CENPW: variants seen among roughly 807,000 people sequenced by gnomAD.
CENPW encodes cancer-up-regulated gene 2 protein.
CENPW carries 3 observed loss-of-function variants against 11.1 expected under a neutral mutation model. The ratio of observed to expected loss-of-function variants is 0.27; its 90% CI spans 0.12 to 0.70. CENPW has a LOEUF of 0.70. Ranked by LOEUF, CENPW falls within the 30% of genes least tolerant of loss-of-function variation. The pLI is 0.77. For synonymous variants in CENPW, 38 were observed against 42.0 expected (o/e 0.91, Z 0.37); for missense variants, 100 against 105.6 (o/e 0.95, Z 0.23).
At chr6:126,397,408 A>C in the CENPW span, among the ~76,000 whole-genome samples, 1 of 152,004 alleles carries the variant, frequency 6.6e-6, no homozygotes, top group Admixed American at 6.6e-5. Context: ...TTCTCTTTCC[A>C]CACCATGTGG....
the CENPW span, among the ~76,000 whole-genome samples, chr6:126,393,912 T>C: frequency 2.0e-5 from 3 of 151,926 alleles, no homozygotes; most frequent in East Asian, 5.8e-4. Context: ...GTACTTTTCA[T>C]CTTGAAATCC....
chr6:126,408,346 G>A, the CENPW span, among the ~76,000 whole-genome samples: 9 of 152,166 alleles, frequency 5.9e-5, no homozygotes, highest in Non-Finnish European at 1.2e-4. Flanking sequence ...GAGGAGCAAA[G>A]GCATGTCTTA....
At chr6:126,475,324 A>T in the CENPW span, among the ~76,000 whole-genome samples, 1 of 152,136 alleles carries the variant, frequency 6.6e-6, no homozygotes, top group South Asian at 2.1e-4. Context: ...GTTTGAGGGG[A>T]TGAATACCCC....
the CENPW span, among the ~76,000 whole-genome samples, chr6:126,451,032 G>C: frequency 6.6e-6 from 1 of 150,944 alleles, no homozygotes; most frequent in African/African-American, 2.4e-5. Context: ...TTATACTTAT[G>C]AGTATAAATG....
the CENPW span, among the ~76,000 whole-genome samples, chr6:126,430,002 G>C: frequency 6.6e-6 from 1 of 152,172 alleles, no homozygotes; most frequent in East Asian, 1.9e-4. Flanking sequence ...CTGAGAGAAA[G>C]CATGTCCTCA....
chr6:126,381,439 C>T, the CENPW span, among the ~76,000 whole-genome samples: 1 of 152,160 alleles, frequency 6.6e-6, no homozygotes, highest in Non-Finnish European at 1.5e-5. Context: ...CTCTGTTACT[C>T]ATGATCCAGT....
the CENPW span, among the ~76,000 whole-genome samples, chr6:126,428,593 A>G: frequency 1.3e-5 from 2 of 152,178 alleles, no homozygotes; most frequent in Non-Finnish European, 2.9e-5. Context: ...CGCTTTGCTC[A>G]TTAGAGTGAT....
At chr6:126,386,246 T>C in the CENPW span, among the ~76,000 whole-genome samples, 1 of 152,062 alleles carries the variant, frequency 6.6e-6, no homozygotes, top group African/African-American at 2.4e-5. Flanking sequence ...GCTACTTTCT[T>C]TCCCACTTGT....
the CENPW span, among the ~76,000 whole-genome samples, chr6:126,410,156 C>G: frequency 6.6e-6 from 1 of 152,142 alleles, no homozygotes; most frequent in African/African-American, 2.4e-5. Context: ...TACAGGGCTA[C>G]TTTGAACACT....
chr6:126,480,963 C>CA, the CENPW span, among the ~76,000 whole-genome samples: 1 of 151,756 alleles, frequency 6.6e-6, no homozygotes, highest in Non-Finnish European at 1.5e-5. Flanking sequence ...AATAAAATGC[C>CA]AAAAATCTCA....
chr6:126,349,214 A>C (rs1475660862), downstream of CENPW, among the ~76,000 whole-genome samples: 1 of 152,070 alleles, frequency 6.6e-6, no homozygotes. Context: ...TGTAGTTGCA[A>C]AGATAGTACA....
At chr6:126,470,622 G>A in the CENPW span, among the ~76,000 whole-genome samples, 1 of 152,202 alleles carries the variant, frequency 6.6e-6, no homozygotes, top group Admixed American at 6.5e-5. Context: ...CTGACAACTT[G>A]CCCTGTGCAT....
the CENPW span, among the ~76,000 whole-genome samples, chr6:126,354,018 T>A: frequency 6.6e-6 from 1 of 152,096 alleles, no homozygotes; most frequent in African/African-American, 2.4e-5. Context: ...ATTAATTATA[T>A]TTATTTTCAC....
the CENPW span, among the ~76,000 whole-genome samples, chr6:126,410,789 T>A: frequency 6.6e-6 from 1 of 152,044 alleles, no homozygotes; most frequent in South Asian, 2.1e-4. Flanking sequence ...CACTTGTATT[T>A]TTCATTTCAT....
At chr6:126,419,199 G>C in the CENPW span, among the ~76,000 whole-genome samples, 2 of 152,114 alleles carry the variant, frequency 1.3e-5, no homozygotes, top group African/African-American at 4.8e-5. Context: ...GCTGACTCAG[G>C]ATGAGAAGGA....
chr6:126,373,159 A>C, the CENPW span, among the ~76,000 whole-genome samples: 1 of 152,242 alleles, frequency 6.6e-6, no homozygotes, highest in Non-Finnish European at 1.5e-5. Context: ...AACAAAATTT[A>C]CATTATTCTA....
chr6:126,349,837 G>T (rs1489806923), downstream of CENPW, among the ~76,000 whole-genome samples: 1 of 151,974 alleles, frequency 6.6e-6, no homozygotes, highest in African/African-American at 2.4e-5. Context: ...TTCATGGTAA[G>T]TATAGGCCTA....
chr6:126,370,590 T>G, the CENPW span, among the ~76,000 whole-genome samples: 11 of 152,164 alleles, frequency 7.2e-5, no homozygotes, highest in African/African-American at 2.7e-4. Context: ...GTAGCAGAGC[T>G]ACTGATTTGT....
the CENPW span, among the ~76,000 whole-genome samples, chr6:126,464,332 G>A: frequency 1.3e-5 from 2 of 152,222 alleles, no homozygotes; most frequent in Non-Finnish European, 2.9e-5. Flanking sequence ...CAATCTGATA[G>A]AGGGTACTGT....
Sources: gnomAD v4.1 joint callset for allele counts (sites outside exome capture counted in the v4.1 genomes callset) on GRCh38, gnomAD v4.1.1 for gene constraint, MANE v1.5 for transcripts, NCBI Gene and HGNC (gene_info 2026-07-23, HGNC 2026-07-21) for gene names.